CSMD2: variants seen among roughly 807,000 people sequenced by gnomAD.
CSMD2 encodes the protein CUB and Sushi multiple domains 2.
A neutral mutation model predicts 398.5 loss-of-function variants in CSMD2; 130 were observed. The observed-to-expected ratio is 0.33, with a 90% CI of 0.28 to 0.38. The LOEUF (loss-of-function observed/expected upper bound fraction) is 0.38. Ranked by LOEUF, CSMD2 falls within the 10% of genes least tolerant of loss-of-function variation. The pLI is 1.00. For missense variants in CSMD2, 3,829 were observed against 4,764.9 expected (o/e 0.80, Z 5.78); for synonymous variants, 1,828 against 1,908.5 (o/e 0.96, Z 1.10).
intron 2 of CSMD2, among the ~76,000 whole-genome samples, chr1:34,050,421 A>G (rs1436746964): frequency 1.3e-5 from 2 of 152,220 alleles, no homozygotes; most frequent in Non-Finnish European, 2.9e-5. Flanking sequence ...CTTCTGACCA[A>G]TAAACTCACT....
chr1:33,708,591 C>A (rs950352595), intron 22 of CSMD2, among the ~76,000 whole-genome samples: 3 of 141,084 alleles, frequency 2.1e-5, no homozygotes, highest in African/African-American at 7.9e-5. Flanking sequence ...TCCAACCGAA[C>A]TTATTATTAT....
At chr1:33,922,791 G>A (rs1255424064) in intron 4 of CSMD2, among the ~76,000 whole-genome samples, 2 of 151,926 alleles carry the variant, frequency 1.3e-5, no homozygotes, top group South Asian at 2.1e-4. Flanking sequence ...CCTGTCCCCC[G>A]CCATCACTGC....
intron 10 of CSMD2, among the ~76,000 whole-genome samples, chr1:33,801,295 G>C (rs566995365): frequency 2.6e-5 from 4 of 152,252 alleles, no homozygotes; most frequent in African/African-American, 9.6e-5. Flanking sequence ...GTGCAAATTG[G>C]ATCAAATGTT....
At chr1:33,565,203 A>T (rs1658942162) in intron 53 of CSMD2, among the ~76,000 whole-genome samples, 2 of 152,176 alleles carry the variant, frequency 1.3e-5, no homozygotes, top group African/African-American at 2.4e-5. Context: ...AGAAGGAGAA[A>T]ATCCATCTCA....
chr1:34,125,386 C>G (rs370215738), intron 1 of CSMD2, among the ~76,000 whole-genome samples: 3 of 152,154 alleles, frequency 2.0e-5, no homozygotes, highest in Non-Finnish European at 2.9e-5. Flanking sequence ...GAAACTTGCC[C>G]TGCCATCAGG....
chr1:34,127,422 G>A (rs997277582), intron 1 of CSMD2, among the ~76,000 whole-genome samples: 1 of 152,182 alleles, frequency 6.6e-6, no homozygotes, highest in Non-Finnish European at 1.5e-5. Flanking sequence ...TCACAAAGAA[G>A]ACAGATGGAA....
intron 1 of CSMD2, among the ~76,000 whole-genome samples, chr1:34,149,463 T>C (rs1475516990): frequency 6.6e-6 from 1 of 152,194 alleles, no homozygotes; most frequent in Non-Finnish European, 1.5e-5. Flanking sequence ...GTGCTGTGTG[T>C]CTGCCCTTCA....
chr1:33,708,218 T>C (rs1373822165), intron 22 of CSMD2, among the ~76,000 whole-genome samples: 1 of 152,184 alleles, frequency 6.6e-6, no homozygotes, highest in African/African-American at 2.4e-5. Context: ...TCCTATCATT[T>C]CCTTCCCTTA....
intron 43 of CSMD2, 95 bp from the exon 44 acceptor site, chr1:33,601,105 G>T: frequency 6.7e-7 from 1 of 1,495,388 alleles, no homozygotes; most frequent in South Asian, 1.2e-5. Flanking sequence ...GACCTGGAGT[G>T]GGAGGCTATG....
intron 3 of CSMD2, among the ~76,000 whole-genome samples, chr1:34,004,535 C>T (rs1431766286): frequency 2.0e-5 from 3 of 152,170 alleles, no homozygotes; most frequent in African/African-American, 7.2e-5. Flanking sequence ...GATTCAAGCA[C>T]GCCATCAATA....
chr1:34,164,523 C>T lies in CSMD2; in HGVS notation c.187+388G>A, dbSNP rs1257766245. On this transcript the variant is annotated intron_variant, in intron 1 of 70. Coordinates refer to ENST00000373381, the MANE Select transcript of CSMD2 (RefSeq NM_001281956.2). The surrounding 1 kb of genome is among the most constrained non-coding windows in gnomAD (Gnocchi z 6.2). ...CAGCGTGCCTGGCAGAATCAGGAGC[C>T]GGGGGAGTAGGGCTCCCGGAAAGTT... Among the ~76,000 whole-genome samples the T allele has an allele frequency of 2.0e-5, 3 of 152,116 alleles. No individual in the cohort carries two copies. Among genetic ancestry groups the T allele is most frequent in the East Asian group, 3.9e-4 (2 of 5,112 alleles).
At position 33,709,122 on chromosome 1, in the gene CSMD2, C is replaced by A; in HGVS notation, c.3543G>T (p.Arg1181Ser). Reference protein sequence around the residue: ...QPGKGIQLKARAFELSEGDVL... With the variant: ...QPGKGIQLKASAFELSEGDVL... ...CATCTCCTTCGGAGAGTTCGAATGC[C>A]CTGGCTTTCAGCTGAATTCCCTTCC... The change falls in exon 22 of 71, where the codon AGG (arginine) becomes AGT (serine). Residue 1181 changes from arginine to serine, a missense_variant. Around this residue, in one of 5 missense-constraint regions of CSMD2, gnomAD observed 2,001 missense variants for 2,567.1 expected, o/e 0.78. Coordinates refer to ENST00000373381, the MANE Select transcript of CSMD2 (RefSeq NM_001281956.2). The A allele has an allele frequency of 6.2e-7, 1 of 1,613,964 alleles. No homozygotes were observed. Among genetic ancestry groups the A allele is most frequent in the Non-Finnish European group, 8.5e-7 (1 of 1,179,964 alleles).
intron 1 of CSMD2, among the ~76,000 whole-genome samples, chr1:34,135,524 A>C (rs1296373584): frequency 2.7e-5 from 4 of 147,148 alleles, no homozygotes; most frequent in African/African-American, 9.9e-5. Flanking sequence ...AGGCTAAGGC[A>C]GGAGAATCGC....
chr1:33,947,462 G>C (rs1007418264), intron 3 of CSMD2, among the ~76,000 whole-genome samples: 2 of 152,042 alleles, frequency 1.3e-5, no homozygotes, highest in Admixed American at 1.3e-4. Flanking sequence ...CCTCCACTTG[G>C]CTCCCCGTCC....
intron 3 of CSMD2, among the ~76,000 whole-genome samples, chr1:33,983,891 G>A (rs888813382): frequency 6.6e-6 from 1 of 152,150 alleles, no homozygotes. Context: ...AGTGGCTCAT[G>A]CCTGGAATCC....
chr1:33,973,518 G>C (rs1645846924), intron 3 of CSMD2, among the ~76,000 whole-genome samples: 1 of 152,332 alleles, frequency 6.6e-6, no homozygotes, highest in South Asian at 2.1e-4. Context: ...TCCTGCCCCA[G>C]GGGACTCCCA....
intron 3 of CSMD2, among the ~76,000 whole-genome samples, chr1:34,028,099 G>A (rs1250570803): frequency 3.9e-5 from 6 of 152,232 alleles, no homozygotes; most frequent in African/African-American, 7.2e-5. Flanking sequence ...CAGGCAGATC[G>A]CTCCAGCTCT....
At chr1:34,121,728 A>G (rs1372617468) in intron 1 of CSMD2, among the ~76,000 whole-genome samples, 1 of 151,694 alleles carries the variant, frequency 6.6e-6, no homozygotes, top group Non-Finnish European at 1.5e-5. Context: ...TGGGAGTGGG[A>G]CCCTGGCTAT....
intron 20 of CSMD2, among the ~76,000 whole-genome samples, chr1:33,715,288 T>C (rs1300100549): frequency 6.6e-6 from 1 of 152,020 alleles, no homozygotes; most frequent in African/African-American, 2.4e-5. Context: ...CAACTCCCAC[T>C]GGTGAAGACA....
Sources: gnomAD v4.1 joint callset for allele counts (sites outside exome capture counted in the v4.1 genomes callset) on GRCh38, gnomAD v4.1.1 for gene constraint, gnomAD v4.1.1 regional missense constraint, Gnocchi (gnomAD v3.1) non-coding constraint, MANE v1.5 for transcripts, NCBI Gene and HGNC (gene_info 2026-07-23, HGNC 2026-07-21) for gene names.